NRG3: variants seen among roughly 807,000 people sequenced by gnomAD.
The protein encoded by NRG3 is pro-neuregulin-3, membrane-bound isoform.
Under a neutral mutation model 66.9 loss-of-function variants are expected in NRG3, and 31 were observed. The ratio of observed to expected loss-of-function variants is 0.46; its 90% confidence interval spans 0.35 to 0.63. The LOEUF (loss-of-function observed/expected upper bound fraction) is 0.63. NRG3 is among the 20% of genes least tolerant of loss of function. NRG3 has a pLI of 0.00. For missense variants in NRG3, 910 were observed against 878.9 expected (o/e 1.04, Z -0.45); for synonymous variants, 393 against 359.4 (o/e 1.09, Z -1.06).
intron 1 of NRG3, among the ~76,000 whole-genome samples, chr10:81,924,824 TTTAA>T (rs1397281392): frequency 5.3e-5 from 8 of 152,186 alleles, no homozygotes; most frequent in African/African-American, 1.9e-4. Context: ...GTTACTGTTG[TTTAA>T]TTGAGTGGAT....
chr10:82,317,222 G>A (rs200499145), intron 1 of NRG3, among the ~76,000 whole-genome samples: 1 of 144,382 alleles, frequency 6.9e-6, no homozygotes, highest in African/African-American at 2.6e-5. Flanking sequence ...TTTTTTTGCT[G>A]TAACAGGCAT....
At chr10:81,888,116 G>T (rs1842753878) in intron 1 of NRG3, among the ~76,000 whole-genome samples, 2 of 152,108 alleles carry the variant, frequency 1.3e-5, no homozygotes, top group South Asian at 4.1e-4. Context: ...CTGAAAGTTT[G>T]TTGTTGGTGT....
At chr10:82,628,335 T>G (rs2049568000) in intron 2 of NRG3, among the ~76,000 whole-genome samples, 1 of 152,154 alleles carries the variant, frequency 6.6e-6, no homozygotes, top group Non-Finnish European at 1.5e-5. Context: ...TCTAGCATAT[T>G]TTTCCTTTTG....
intron 4 of NRG3, among the ~76,000 whole-genome samples, chr10:82,918,319 C>T (rs960031848): frequency 6.6e-6 from 1 of 151,936 alleles, no homozygotes; most frequent in Non-Finnish European, 1.5e-5. Flanking sequence ...AGTTTGAATC[C>T]CCATTCAATA....
chr10:82,681,960 T>C (rs530297744), intron 2 of NRG3, among the ~76,000 whole-genome samples: 7 of 152,322 alleles, frequency 4.6e-5, no homozygotes, highest in Non-Finnish European at 1.0e-4. Context: ...CAGGCTATGG[T>C]GGGCGTAAGC....
chr10:82,559,977 G>A lies in NRG3; in HGVS notation c.954-178600G>A, dbSNP rs990966959. Among the ~76,000 whole-genome samples, 7 of 151,758 alleles carry A rather than the reference G, an allele frequency of 4.6e-5. No individual in the cohort carries two copies. The South Asian group carries it at 1.5e-3, about 32-fold the overall frequency. ...ATTAGGAATTTAATATATATATATA[G>A]TAAGTCAGTTGTAACACTTCCATTT... On this transcript the variant is annotated intron_variant, in intron 2 of 8. Transcript: ENST00000372141.
In NRG3 at chr10:82,620,768, C is replaced by T. The variant is rs1032990655; in HGVS notation, c.954-117809C>T. On this transcript the variant is annotated intron_variant, in intron 2 of 8. Coordinates refer to ENST00000372141, the MANE Select transcript of NRG3 (RefSeq NM_001010848.4). The stretch of plus-strand genomic sequence containing the variant: ...CTTGATGGTGGGGTTTCACCAGGGA[C>T]TCACCCACCCCTGTCTGCCCAGAAT... Among the ~76,000 whole-genome samples, 9 of 152,252 alleles carry T rather than the reference C, an allele frequency of 5.9e-5. No homozygotes were observed. The Middle Eastern group carries it at 0.01, about 173-fold the overall frequency.
intron 1 of NRG3, among the ~76,000 whole-genome samples, chr10:81,993,570 C>G (rs1002184542): frequency 3.9e-5 from 6 of 152,032 alleles, no homozygotes; most frequent in African/African-American, 1.4e-4. Context: ...TGGCCTTGAA[C>G]TCCTGGCCTC....
intron 2 of NRG3, among the ~76,000 whole-genome samples, chr10:82,422,527 T>C (rs2089155995): frequency 6.6e-6 from 1 of 152,036 alleles, no homozygotes; most frequent in Non-Finnish European, 1.5e-5. Flanking sequence ...TTATCTTTTA[T>C]GTATTGATTA....
rs1038715573 is a variant in NRG3, at chr10:82,773,449, C to T, written c.1027+34799C>T. Among the ~76,000 whole-genome samples, 17 of 152,108 alleles carry T rather than the reference C, an allele frequency of 1.1e-4. No homozygotes were observed. In the East Asian group the frequency reaches 1.7e-3, roughly 16 times the overall value. Reference sequence around the variant, plus strand: ...CTTGGGTCATTTGATTTTCAGCTATCGGGTTGTAAATGATCTTAATAAATT... The same window carrying T: ...CTTGGGTCATTTGATTTTCAGCTATTGGGTTGTAAATGATCTTAATAAATT... On this transcript the variant is annotated intron_variant, in intron 3 of 8. Coordinates refer to ENST00000372141, the MANE Select transcript of NRG3 (RefSeq NM_001010848.4).
At position 82,222,835 on chromosome 10, in the gene NRG3, T is replaced by C. The variant is rs72825488; in HGVS notation, c.824-135904T>C. On this transcript the variant is annotated intron_variant, in intron 1 of 8. Transcript: ENST00000372141. ...CCCCAATGTGGATTTCTAGTATGAT[T>C]TTCCGTGGTAATTTTCTGTATGTCA... 3.5e-3 allele frequency among the ~76,000 whole-genome samples: 538 copies of C among 152,342 alleles called. 3 individuals carry two copies. The highest frequency in any genetic ancestry group is 6.1e-3 in the Non-Finnish European group (412 of 68,030).
At chr10:82,610,504 G>A (rs996488971) in intron 2 of NRG3, among the ~76,000 whole-genome samples, 1 of 152,178 alleles carries the variant, frequency 6.6e-6, no homozygotes, top group East Asian at 1.9e-4. Flanking sequence ...ACAATGACTG[G>A]CATCGCTGCA....
intron 2 of NRG3, among the ~76,000 whole-genome samples, chr10:82,676,969 G>A (rs1289271062): frequency 6.6e-6 from 1 of 151,328 alleles, no homozygotes; most frequent in African/African-American, 2.4e-5. Flanking sequence ...CTCTTAATCT[G>A]GAGCATGCAT....
intron 1 of NRG3, among the ~76,000 whole-genome samples, chr10:82,051,296 C>G (rs2063579973): frequency 6.8e-6 from 1 of 146,964 alleles, no homozygotes. Context: ...AACCAGAGGA[C>G]TAGCTCTGAC....
At chr10:82,981,542 A>G (rs1160482298) in intron 8 of NRG3, among the ~76,000 whole-genome samples, 3 of 152,204 alleles carry the variant, frequency 2.0e-5, no homozygotes, top group Non-Finnish European at 4.4e-5. Flanking sequence ...GGAGGGGGAA[A>G]TGAATTTGCA....
intron 3 of NRG3, among the ~76,000 whole-genome samples, chr10:82,822,627 C>A (rs764134095): frequency 1.3e-5 from 2 of 152,138 alleles, no homozygotes; most frequent in Non-Finnish European, 2.9e-5. Flanking sequence ...GGCACACACT[C>A]TGGTTAGGTG....
chr10:82,978,879 A>G (rs2132644662), intron 7 of NRG3, 71 bp from the exon 8 acceptor site: 2 of 1,494,088 alleles, frequency 1.3e-6, no homozygotes, highest in Non-Finnish European at 1.8e-6. Context: ...AAGCTTGAGC[A>G]GCCACCTGTG....
intron 2 of NRG3, among the ~76,000 whole-genome samples, chr10:82,384,876 C>G (rs1011356113): frequency 6.6e-6 from 1 of 152,202 alleles, no homozygotes; most frequent in Non-Finnish European, 1.5e-5. Flanking sequence ...AATGGTTGAA[C>G]TAATTTACAC....
At chr10:82,406,579 G>T (rs933761591) in intron 2 of NRG3, among the ~76,000 whole-genome samples, 3 of 152,160 alleles carry the variant, frequency 2.0e-5, no homozygotes, top group African/African-American at 7.2e-5. Flanking sequence ...TGTGCTTGAA[G>T]CCCAGCAATA....
Sources: allele counts gnomAD v4.1 joint callset (sites outside exome capture counted in the v4.1 genomes callset), GRCh38; gene constraint gnomAD v4.1.1; transcripts MANE v1.5; gene names NCBI Gene and HGNC (gene_info 2026-07-23, HGNC 2026-07-21).